Variants in FBXW8 observed in about 807,000 individuals in gnomAD.
The protein encoded by FBXW8 is F-box/WD repeat-containing protein 8.
FBXW8 carries 57 observed loss-of-function variants against 65.3 expected under a neutral mutation model. That is an observed-to-expected ratio of 0.87 (90% CI 0.71 to 1.09). The LOEUF is 1.09. Among genes scored for constraint, FBXW8 ranks in the 50% least tolerant of loss-of-function variants. FBXW8 has a pLI of 0.00. For synonymous variants in FBXW8, 308 were observed against 330.2 expected, an observed-to-expected ratio of 0.93 and a Z score of 0.73; for missense variants, 777 against 814.8, an observed-to-expected ratio of 0.95 and a Z score of 0.57.
At chr12:116,950,336 T>G (rs1162719156) in intron 4 of FBXW8, 3 of 152,364 alleles carry the variant, frequency 2.0e-5, no homozygotes, top group Non-Finnish European at 4.4e-5. Flanking sequence ...AGTTTTCTTT[T>G]TGGATTAGGA....
chr12:116,922,812 G>GTT (rs533344567), intron 1 of FBXW8, among the ~76,000 whole-genome samples: 35 of 151,526 alleles, frequency 2.3e-4, no homozygotes, highest in Middle Eastern at 6.8e-3. Flanking sequence ...GTGTGTGTGT[G>GTT]TTTTTTTTCC....
At chr12:117,023,300 G>A (rs578014023) in intron 8 of FBXW8, among the ~76,000 whole-genome samples, 4 of 152,200 alleles carry the variant, frequency 2.6e-5, no homozygotes, top group Non-Finnish European at 5.9e-5. Context: ...CTAGATGCTG[G>A]GGTCTTTCTT....
At chr12:116,970,461 A>G (rs897056521) in intron 5 of FBXW8, among the ~76,000 whole-genome samples, 5 of 152,134 alleles carry the variant, frequency 3.3e-5, no homozygotes, top group African/African-American at 9.7e-5. Context: ...GGAGGTGACT[A>G]TGATTTCTCA....
intron 4 of FBXW8, 85 bp from the exon 5 acceptor site, chr12:116,964,612 G>A: frequency 6.6e-7 from 1 of 1,524,932 alleles, no homozygotes. Context: ...TTACTTGTCT[G>A]TTGTTGTAAG....
chr12:117,026,141 GTC>G (rs1954221124), intron 9 of FBXW8, among the ~76,000 whole-genome samples: 2 of 152,236 alleles, frequency 1.3e-5, no homozygotes, highest in South Asian at 4.1e-4. Context: ...GTCCGCTTCA[GTC>G]TCTTCAGCCC....
intron 5 of FBXW8, among the ~76,000 whole-genome samples, chr12:116,980,964 T>G (rs1885265621): frequency 6.6e-6 from 1 of 152,180 alleles, no homozygotes; most frequent in Admixed American, 6.5e-5. Context: ...AGTCAGGGAC[T>G]TTTTTTGTTT....
At chr12:116,999,465 T>TGTG (rs1953455167) in intron 7 of FBXW8, among the ~76,000 whole-genome samples, 1 of 152,236 alleles carries the variant, frequency 6.6e-6, no homozygotes, top group East Asian at 1.9e-4. Context: ...GAACTCTTAC[T>TGTG]GTGATCTCAT....
intron 1 of FBXW8, among the ~76,000 whole-genome samples, chr12:116,914,343 C>T (rs1309970431): frequency 1.3e-5 from 2 of 151,732 alleles, no homozygotes; most frequent in Non-Finnish European, 2.9e-5. Flanking sequence ...CTTTGGGAGG[C>T]TGAGGTGGGT....
intron 7 of FBXW8, among the ~76,000 whole-genome samples, chr12:117,000,834 A>C (rs543928965): frequency 2.0e-5 from 3 of 152,326 alleles, no homozygotes; most frequent in African/African-American, 4.8e-5. Flanking sequence ...GAATATTATA[A>C]ATATTAGCTG....
chr12:116,954,357 G>T, intron 4 of FBXW8, among the ~76,000 whole-genome samples: 1 of 151,916 alleles, frequency 6.6e-6, no homozygotes, highest in East Asian at 1.9e-4. Flanking sequence ...TTTTTTTCAT[G>T]TTGCATATTT....
chr12:116,925,072 T>C (rs905488175), intron 1 of FBXW8, among the ~76,000 whole-genome samples: 10 of 151,662 alleles, frequency 6.6e-5, no homozygotes, highest in African/African-American at 1.5e-4. Flanking sequence ...TCTATCACTT[T>C]GGTTAAAAAA....
intron 5 of FBXW8, among the ~76,000 whole-genome samples, chr12:116,968,356 T>C (rs1884451775): frequency 6.6e-6 from 1 of 152,202 alleles, no homozygotes; most frequent in Non-Finnish European, 1.5e-5. Flanking sequence ...TATATTCTTA[T>C]TGCCCCCTTT....
intron 1 of FBXW8, among the ~76,000 whole-genome samples, chr12:116,921,199 G>A (rs951153054): frequency 1.3e-5 from 2 of 152,184 alleles, no homozygotes; most frequent in Admixed American, 1.3e-4. Context: ...AAATTCCATG[G>A]ACATTTATTG....
intron 5 of FBXW8, among the ~76,000 whole-genome samples, chr12:116,975,213 T>G (rs1389013108): frequency 1.3e-5 from 2 of 152,258 alleles, no homozygotes; most frequent in African/African-American, 4.8e-5. Flanking sequence ...CAGCGGATGT[T>G]AAAATCAATG....
chr12:117,027,374 T>C lies in FBXW8; in HGVS notation c.1542-20T>C. The C allele has an allele frequency of 6.2e-7, 1 of 1,608,376 alleles. No homozygotes were observed. The highest frequency in any genetic ancestry group is 8.5e-7 in the Non-Finnish European group (1 of 1,175,344). ...GCCCAGTGGACGCCCCCTTACGAGCTCTCTCCCACTGCCTTCCAGGCACCC... is the reference window on the plus strand; with the variant it reads ...GCCCAGTGGACGCCCCCTTACGAGCCCTCTCCCACTGCCTTCCAGGCACCC... On this transcript the variant is annotated intron_variant, in intron 9 of 10. Coordinates refer to ENST00000652555, the MANE Select transcript of FBXW8 (RefSeq NM_153348.3).
intron 5 of FBXW8, 114 bp downstream of exon 5, chr12:116,964,968 C>T: frequency 2.0e-6 from 2 of 1,003,180 alleles, no homozygotes; most frequent in Non-Finnish European, 2.9e-6. Flanking sequence ...TGGGCACACA[C>T]ACATGTTCAC....
At chr12:117,006,937 G>A (rs1346595453) in intron 7 of FBXW8, among the ~76,000 whole-genome samples, 1 of 152,134 alleles carries the variant, frequency 6.6e-6, no homozygotes, top group South Asian at 2.1e-4. Flanking sequence ...TCTATCTATA[G>A]GTATTGACAC....
Position 116,964,828 on chromosome 12 carries a change from C to T in FBXW8, c.809C>T (p.Ser270Leu), listed in dbSNP as rs200370746. ...GTCTCCTTTGTGAGGATAAACAGCT[C>T]GTTGGCAGTAGCAGCTTATGAGGAT... Reference protein sequence around the residue: ...PNVSFVRINSSLAVAAYEDGF... With the variant: ...PNVSFVRINSLLAVAAYEDGF... The change falls in exon 5 of 11, where the codon TCG becomes TTG. Residue 270 changes from serine (S) to leucine (L), a missense_variant. Coordinates refer to ENST00000652555, the MANE Select transcript of FBXW8 (RefSeq NM_153348.3). 9.3e-6 allele frequency: 15 copies of T among 1,611,156 alleles called. No individual in the cohort carries two copies. The highest frequency in any genetic ancestry group is 3.8e-4 in the Middle Eastern group (2 of 5,264).
chr12:116,999,058 G>A (rs1438551651), intron 7 of FBXW8, among the ~76,000 whole-genome samples: 3 of 152,118 alleles, frequency 2.0e-5, no homozygotes, highest in East Asian at 1.9e-4. Context: ...ATCAATTACT[G>A]AGTTGCAGAT....
Sources: gnomAD v4.1 joint callset for allele counts (sites outside exome capture counted in the v4.1 genomes callset) on GRCh38, gnomAD v4.1.1 for gene constraint, MANE v1.5 for transcripts, NCBI Gene and HGNC (gene_info 2026-07-23, HGNC 2026-07-21) for gene names.